Variants in EPHB2 observed in about 807,000 individuals in gnomAD.
EPHB2 encodes EPH receptor B2.
EPHB2 carries 18 observed loss-of-function variants against 96.4 expected under a neutral mutation model. That is an observed-to-expected ratio of 0.19 (90% CI 0.13 to 0.28). The LOEUF is 0.28. Among genes scored for constraint, EPHB2 ranks in the 10% least tolerant of loss-of-function variants. The pLI is 1.00. For synonymous variants in EPHB2, 506 were observed against 534.1 expected (o/e 0.95, Z 0.72); for missense variants, 989 against 1,355.4 (o/e 0.73, Z 4.25).
At position 22,913,907 on chromosome 1, in the gene EPHB2, G is replaced by A. The variant is rs761237472; in HGVS notation, c.*337G>A. ...GGAGATTCATGCGATGTGTCCAATC[G>A]GAGACAAAAGCAGTTTCTCTCCAAC... is the stretch of plus-strand genomic sequence containing the variant. On this transcript the variant is annotated 3_prime_UTR_variant, in exon 16 of 16. Coordinates refer to ENST00000374630, the MANE Select transcript of EPHB2 (RefSeq NM_017449.5). The surrounding 1 kb of genome is among the most constrained non-coding windows in gnomAD (Gnocchi z 4.1). The A allele has an allele frequency of 1.2e-5, 18 of 1,530,574 alleles. No homozygotes were observed. The highest frequency in any genetic ancestry group is 1.7e-4 in the Middle Eastern group (1 of 5,752). The allele number at this position is 1,530,574 out of a possible 1,614,324, so 94.8% of individuals were successfully genotyped here.
intron 3 of EPHB2, among the ~76,000 whole-genome samples, chr1:22,853,675 C>G (rs377023570): frequency 1.3e-5 from 2 of 152,234 alleles, no homozygotes; most frequent in Non-Finnish European, 2.9e-5. Context: ...GGCCCAGAGG[C>G]GAGACCAAGC....
intron 11 of EPHB2, 28 bp from the exon 12 acceptor site, chr1:22,907,925 C>G (rs780148814): frequency 6.2e-7 from 1 of 1,612,398 alleles, no homozygotes; most frequent in Admixed American, 1.7e-5. Flanking sequence ...CTTCTGTTTA[C>G]TCTGTGTTTT....
At chr1:22,786,245 A>G (rs1220744774) in intron 3 of EPHB2, among the ~76,000 whole-genome samples, 1 of 152,178 alleles carries the variant, frequency 6.6e-6, no homozygotes, top group African/African-American at 2.4e-5. Context: ...AGTACTTGTA[A>G]TGGTTTCCAG....
chr1:22,722,030 C>T (rs772199474), intron 1 of EPHB2, among the ~76,000 whole-genome samples: 1 of 152,232 alleles, frequency 6.6e-6, no homozygotes, highest in Non-Finnish European at 1.5e-5. Context: ...TCACTGCAAC[C>T]TCTGCCTCCC....
intron 6 of EPHB2, among the ~76,000 whole-genome samples, chr1:22,890,175 C>G (rs1180111305): frequency 6.6e-6 from 1 of 152,138 alleles, no homozygotes; most frequent in Non-Finnish European, 1.5e-5. Context: ...AACACAAGCC[C>G]TCCCTCATGG....
chr1:22,870,711 G>T (rs1350557265), intron 5 of EPHB2, among the ~76,000 whole-genome samples: 1 of 152,188 alleles, frequency 6.6e-6, no homozygotes, highest in Non-Finnish European at 1.5e-5. Flanking sequence ...GCCCTTTAAG[G>T]ATCTCACCCT....
chr1:22,756,466 C>G (rs1328926974), intron 1 of EPHB2, among the ~76,000 whole-genome samples: 1 of 152,168 alleles, frequency 6.6e-6, no homozygotes, highest in Non-Finnish European at 1.5e-5. Flanking sequence ...GAGGTGTGGA[C>G]TGGGCCCCAG....
intron 1 of EPHB2, among the ~76,000 whole-genome samples, chr1:22,721,780 ATTT>A (rs555671339): frequency 7.1e-6 from 1 of 141,142 alleles, no homozygotes; most frequent in African/African-American, 2.6e-5. Context: ...CGCATCCAGC[ATTT>A]TTTTTTTTTT....
At chr1:22,870,738 C>T (rs775240976) in intron 5 of EPHB2, among the ~76,000 whole-genome samples, 2 of 152,216 alleles carry the variant, frequency 1.3e-5, no homozygotes, top group Non-Finnish European at 2.9e-5. Context: ...GCCCAGAACA[C>T]CCCCACCTCT....
intron 1 of EPHB2, among the ~76,000 whole-genome samples, chr1:22,767,832 G>A (rs566029640): frequency 2.0e-5 from 3 of 152,296 alleles, no homozygotes; most frequent in African/African-American, 7.2e-5. Flanking sequence ...GGGTACCAGT[G>A]GGAAATGGTG....
chr1:22,755,203 A>G (rs1273244343), intron 1 of EPHB2, among the ~76,000 whole-genome samples: 1 of 152,112 alleles, frequency 6.6e-6, no homozygotes, highest in Non-Finnish European at 1.5e-5. Flanking sequence ...AGGTGCCACT[A>G]AATCCTCTTG....
intron 3 of EPHB2, among the ~76,000 whole-genome samples, chr1:22,802,261 A>G (rs1644855233): frequency 6.6e-6 from 1 of 152,124 alleles, no homozygotes; most frequent in Non-Finnish European, 1.5e-5. Flanking sequence ...GTTGGAGGGT[A>G]GAGCTGGCAG....
chr1:22,828,891 C>A (rs1285292890), intron 3 of EPHB2, among the ~76,000 whole-genome samples: 1 of 152,204 alleles, frequency 6.6e-6, no homozygotes, highest in Non-Finnish European at 1.5e-5. Context: ...TGTAGCCTCA[C>A]AAGCAGGAAT....
At chr1:22,724,153 C>T (rs1465603630) in intron 1 of EPHB2, among the ~76,000 whole-genome samples, 1 of 152,194 alleles carries the variant, frequency 6.6e-6, no homozygotes, top group African/African-American at 2.4e-5. Context: ...CTAGCCTTCA[C>T]CTAGATTCAA....
chr1:22,725,715 C>G (rs1056803244), intron 1 of EPHB2, among the ~76,000 whole-genome samples: 1 of 152,198 alleles, frequency 6.6e-6, no homozygotes, highest in African/African-American at 2.4e-5. Context: ...TTCCCATTGA[C>G]TTGGCCCACA....
chr1:22,891,800 T>TTG lies in EPHB2; in HGVS notation c.1429-1084_1429-1083insTG, dbSNP rs749932506. Among the ~76,000 whole-genome samples, 187 of 148,114 alleles carry TTG rather than the reference T, an allele frequency of 1.3e-3. 1 individual carries two copies. Among genetic ancestry groups the TTG allele is most frequent in the South Asian group, 5.7e-3 (27 of 4,696 alleles). On this transcript the variant is annotated intron_variant, in intron 6 of 15. Coordinates refer to ENST00000374630, the MANE Select transcript of EPHB2 (RefSeq NM_017449.5). ...GTCTGGTTTCTTTTTTTTTTGTTGT[T>TTG]GTTGTATTTTTTTAGATAGGGTTTT...
At chr1:22,901,744 C>T (rs554930879) in intron 9 of EPHB2, among the ~76,000 whole-genome samples, 1 of 152,172 alleles carries the variant, frequency 6.6e-6, no homozygotes, top group East Asian at 1.9e-4. Flanking sequence ...GACTCTGTAG[C>T]CGGCCTGGGT....
At chr1:22,771,454 G>A (rs1644378660) in intron 1 of EPHB2, among the ~76,000 whole-genome samples, 1 of 152,222 alleles carries the variant, frequency 6.6e-6, no homozygotes, top group South Asian at 2.1e-4. Flanking sequence ...GCTGTGTCCA[G>A]TGGGCAGAGG....
At chr1:22,808,423 T>C (rs897869254) in intron 3 of EPHB2, among the ~76,000 whole-genome samples, 11 of 152,326 alleles carry the variant, frequency 7.2e-5, no homozygotes, top group East Asian at 5.8e-4. Context: ...GCCCACAAGC[T>C]ACCTGTCTCC....
Sources: allele counts gnomAD v4.1 joint callset (sites outside exome capture counted in the v4.1 genomes callset), GRCh38; gene constraint gnomAD v4.1.1; non-coding constraint Gnocchi (gnomAD v3.1); transcripts MANE v1.5; gene names NCBI Gene and HGNC (gene_info 2026-07-23, HGNC 2026-07-21).